Variants in ZNF804B observed in about 807,000 individuals in gnomAD.
The protein encoded by ZNF804B is zinc finger protein 804B, also known as zinc finger 804B.
ZNF804B carries 80 observed loss-of-function variants against 101.4 expected under a neutral mutation model. The ratio of observed to expected loss-of-function variants is 0.79; its 90% CI spans 0.66 to 0.95. The LOEUF is 0.95. Among genes scored for constraint, ZNF804B ranks in the 40% least tolerant of loss-of-function variants. The probability of loss-of-function intolerance (pLI) is 0.00; values close to 1 mark genes in which losing one functional copy is unlikely to be tolerated. For missense variants in ZNF804B, 1,673 were observed against 1,561.9 expected, an observed-to-expected ratio of 1.07 and a Z score of -1.20; for synonymous variants, 622 against 558.8, an observed-to-expected ratio of 1.11 and a Z score of -1.59.
At chr7:88,963,692 A>G (rs10229173) in intron 1 of ZNF804B, among the ~76,000 whole-genome samples, 75,845 of 151,030 alleles carry the variant, frequency 0.5, 19,648 homozygotes, top group East Asian at 0.6. Flanking sequence ...CATCAAAATT[A>G]AAAACTTTTT....
chr7:88,990,370 A>G (rs1284854604), intron 1 of ZNF804B, among the ~76,000 whole-genome samples: 1 of 152,064 alleles, frequency 6.6e-6, no homozygotes, highest in Non-Finnish European at 1.5e-5. Flanking sequence ...ACTTGTACAG[A>G]TACACACACA....
At chr7:89,054,153 A>G (rs933562313) in intron 1 of ZNF804B, among the ~76,000 whole-genome samples, 4 of 151,894 alleles carry the variant, frequency 2.6e-5, no homozygotes, top group Admixed American at 6.6e-5. Context: ...GTTCATAAGT[A>G]GTTAGCCTGG....
intron 1 of ZNF804B, among the ~76,000 whole-genome samples, chr7:89,217,062 T>G (rs1052325702): frequency 6.6e-6 from 1 of 152,196 alleles, no homozygotes; most frequent in Non-Finnish European, 1.5e-5. Context: ...CTAGACAACA[T>G]GTTGTTTAGT....
At chr7:89,270,940 T>A (rs1722843709) in intron 2 of ZNF804B, among the ~76,000 whole-genome samples, 1 of 152,242 alleles carries the variant, frequency 6.6e-6, no homozygotes, top group Non-Finnish European at 1.5e-5. Flanking sequence ...TTGCTGAAGT[T>A]GCTTGTCAGC....
intron 1 of ZNF804B, among the ~76,000 whole-genome samples, chr7:88,810,330 T>C (rs1790764493): frequency 6.6e-6 from 1 of 152,060 alleles, no homozygotes; most frequent in Non-Finnish European, 1.5e-5. Flanking sequence ...CTTTAAAATA[T>C]ATTTAAAGAC....
chr7:89,064,707 C>T (rs546058476), intron 1 of ZNF804B, among the ~76,000 whole-genome samples: 1 of 152,226 alleles, frequency 6.6e-6, no homozygotes, highest in African/African-American at 2.4e-5. Context: ...TGTTCTCCAC[C>T]CAGTAGGTGC....
At chr7:89,269,318 G>GT (rs1789847475) in intron 2 of ZNF804B, among the ~76,000 whole-genome samples, 1 of 151,970 alleles carries the variant, frequency 6.6e-6, no homozygotes, top group Non-Finnish European at 1.5e-5. Context: ...GTTGTGTTTG[G>GT]TTTTTTGTCC....
intron 1 of ZNF804B, among the ~76,000 whole-genome samples, chr7:88,804,789 T>A (rs537071869): frequency 6.6e-6 from 1 of 152,248 alleles, no homozygotes; most frequent in South Asian, 2.1e-4. Context: ...TTTGAACAAT[T>A]GTCACATGGA....
intron 2 of ZNF804B, among the ~76,000 whole-genome samples, chr7:89,310,010 A>C (rs38939): frequency 2.0e-5 from 3 of 151,114 alleles, no homozygotes; most frequent in African/African-American, 7.3e-5. Flanking sequence ...ATCAATAGCA[A>C]GTGAAGTTCT....
intron 1 of ZNF804B, among the ~76,000 whole-genome samples, chr7:88,981,863 C>T (rs1440502504): frequency 6.6e-6 from 1 of 151,974 alleles, no homozygotes; most frequent in East Asian, 2.0e-4. Flanking sequence ...GCTGGGGGAT[C>T]AGGGAGTGGT....
intron 1 of ZNF804B, among the ~76,000 whole-genome samples, chr7:88,877,038 TATATA>T: frequency 2.1e-5 from 1 of 48,082 alleles, no homozygotes; most frequent in Non-Finnish European, 4.0e-5. Flanking sequence ...TATATATATA[TATATA>T]TATATATTTT....
intron 1 of ZNF804B, among the ~76,000 whole-genome samples, chr7:88,824,832 A>T (rs1407034338): frequency 6.6e-6 from 1 of 152,218 alleles, no homozygotes; most frequent in African/African-American, 2.4e-5. Context: ...CAGACAAAAT[A>T]ATACGATCAA....
chr7:88,835,033 C>T (rs370889847), intron 1 of ZNF804B, among the ~76,000 whole-genome samples: 16 of 151,690 alleles, frequency 1.1e-4, no homozygotes, highest in Admixed American at 5.3e-4. Flanking sequence ...CTCCTACGAA[C>T]GGAACTGTAG....
chr7:89,269,215 C>T lies in ZNF804B; in HGVS notation c.249+50920C>T, dbSNP rs180833186. ...TCTCCTAATACTATCCCTCCCCCTT[C>T]CCCCTACCCCACAACAGGCTCTGGT... On this transcript the variant is annotated intron_variant, in intron 2 of 3. Transcript: ENST00000333190. Among the ~76,000 whole-genome samples, 577 of 152,182 alleles carry T rather than the reference C, an allele frequency of 3.8e-3. 3 individuals are homozygous for T. The highest frequency in any genetic ancestry group is 0.013 in the African/African-American group (554 of 41,524).
chr7:88,765,401 T>C (rs1207090950), intron 1 of ZNF804B, among the ~76,000 whole-genome samples: 1 of 152,112 alleles, frequency 6.6e-6, no homozygotes, highest in Non-Finnish European at 1.5e-5. Context: ...AACTGTGAAA[T>C]TTTTGCTGTA....
chr7:88,862,357 G>A (rs768442095), intron 1 of ZNF804B, among the ~76,000 whole-genome samples: 21 of 152,050 alleles, frequency 1.4e-4, no homozygotes, highest in Non-Finnish European at 2.4e-4. Flanking sequence ...TTAGCCAATC[G>A]TGCAATAATT....
At chr7:88,771,008 C>T (rs895603850) in intron 1 of ZNF804B, among the ~76,000 whole-genome samples, 5 of 152,108 alleles carry the variant, frequency 3.3e-5, no homozygotes. Flanking sequence ...TTCTTATATT[C>T]TTGATAAGGT....
chr7:89,019,689 C>T (rs1360224212), intron 1 of ZNF804B, among the ~76,000 whole-genome samples: 2 of 151,906 alleles, frequency 1.3e-5, no homozygotes, highest in Non-Finnish European at 2.9e-5. Flanking sequence ...ATTATTATAT[C>T]CTCTTACTGA....
At chr7:88,771,592 T>C (rs1169229251) in intron 1 of ZNF804B, among the ~76,000 whole-genome samples, 1 of 152,012 alleles carries the variant, frequency 6.6e-6, no homozygotes, top group Non-Finnish European at 1.5e-5. Context: ...TGCTTCACTT[T>C]TCTGTTTCAC....
Sources: gnomAD v4.1 joint callset for allele counts (sites outside exome capture counted in the v4.1 genomes callset) on GRCh38, gnomAD v4.1.1 for gene constraint, MANE v1.5 for transcripts, NCBI Gene and HGNC (gene_info 2026-07-23, HGNC 2026-07-21) for gene names.